The following PTPRA variants were observed in gnomAD, a reference collection of about 807,000 sequenced individuals.
PTPRA encodes the protein protein tyrosine phosphatase receptor type A.
In PTPRA, 25 loss-of-function variants were observed where a neutral mutation model predicts 104.8. That is an observed-to-expected ratio of 0.24 (90% confidence interval 0.17 to 0.33). The LOEUF (loss-of-function observed/expected upper bound fraction) is 0.33, where lower values mean the gene tolerates loss of function less well. Ranked by LOEUF, PTPRA falls within the 10% of genes least tolerant of loss-of-function variation. PTPRA has a pLI of 1.00. For synonymous variants in PTPRA, 323 were observed against 368.9 expected (o/e 0.88, Z 1.43); for missense variants, 765 against 1,015.3 (o/e 0.75, Z 3.35).
At chr20:2,951,102 T>G (rs2061338422) in intron 3 of PTPRA, among the ~76,000 whole-genome samples, 1 of 151,716 alleles carries the variant, frequency 6.6e-6, no homozygotes, top group Non-Finnish European at 1.5e-5. Flanking sequence ...GTTTCTTTCT[T>G]TCTTTCTTTT....
At chr20:3,015,108 C>T (rs1247286307) in intron 11 of PTPRA, among the ~76,000 whole-genome samples, 1 of 152,104 alleles carries the variant, frequency 6.6e-6, no homozygotes, top group Non-Finnish European at 1.5e-5. Flanking sequence ...GGTAAAGCAT[C>T]CTTGAGAAAA....
At chr20:2,871,103 TC>T (rs1252181613), upstream of PTPRA, among the ~76,000 whole-genome samples, 1 of 152,110 alleles carries the variant, frequency 6.6e-6, no homozygotes, top group Non-Finnish European at 1.5e-5. Flanking sequence ...GAACCCTCCT[TC>T]CCAGGGTCTC....
At chr20:2,911,946 A>G (rs2059737232) in intron 1 of PTPRA, among the ~76,000 whole-genome samples, 1 of 152,150 alleles carries the variant, frequency 6.6e-6, no homozygotes, top group South Asian at 2.1e-4. Flanking sequence ...TTCAGATTCG[A>G]TTAAGAAATT....
At chr20:3,023,002 G>C (rs2064955172) in intron 16 of PTPRA, among the ~76,000 whole-genome samples, 178 bp downstream of exon 16, 1 of 152,228 alleles carries the variant, frequency 6.6e-6, no homozygotes, top group Non-Finnish European at 1.5e-5. Context: ...GAAGACACGA[G>C]AAACTCCATT....
At chr20:3,020,416 C>G (rs2064807174) in intron 13 of PTPRA, among the ~76,000 whole-genome samples, 1 of 152,128 alleles carries the variant, frequency 6.6e-6, no homozygotes, top group Non-Finnish European at 1.5e-5. Context: ...AGCTTTTTTC[C>G]CCTGGTTTCT....
At chr20:3,024,006 A>G (rs1052481857) in intron 16 of PTPRA, among the ~76,000 whole-genome samples, 1 of 152,192 alleles carries the variant, frequency 6.6e-6, no homozygotes, top group Non-Finnish European at 1.5e-5. Flanking sequence ...ACTGGACTTC[A>G]AAGATTAGGG....
chr20:3,009,743 T>G (rs1373855096), intron 11 of PTPRA, among the ~76,000 whole-genome samples: 1 of 152,108 alleles, frequency 6.6e-6, no homozygotes, highest in Non-Finnish European at 1.5e-5. Context: ...ATGAAGAGAT[T>G]AGGTGGAATA....
At position 3,022,809 on chromosome 20, in the gene PTPRA, G is replaced by A; in HGVS notation, c.1449G>A (p.Gln483=). The A allele has an allele frequency of 6.2e-7, 1 of 1,614,212 alleles. No homozygotes were observed. Among genetic ancestry groups the A allele is most frequent in the Non-Finnish European group, 8.5e-7 (1 of 1,180,030 alleles). Residue 483 remains glutamine, a synonymous_variant, in exon 16 of 24, where the codon CAG becomes CAA. Coordinates refer to ENST00000399903, the MANE Select transcript of PTPRA (RefSeq NM_001385305.1). The surrounding 1 kb of genome is among the most constrained non-coding windows in gnomAD (Gnocchi z 4.6). ...FVSRIRAQRC[Q]MVQTDMQYVF... is the part of the protein sequence containing the mutation. Reference sequence around the variant, plus strand: ...GCCGGATCCGGGCACAGCGCTGCCAGATGGTGCAAACCGATGTGAGTGATC... The same window carrying A: ...GCCGGATCCGGGCACAGCGCTGCCAAATGGTGCAAACCGATGTGAGTGATC...
chr20:2,906,848 T>A (rs2059444427), intron 1 of PTPRA, among the ~76,000 whole-genome samples: 2 of 152,220 alleles, frequency 1.3e-5, no homozygotes, highest in African/African-American at 4.8e-5. Flanking sequence ...AGGTTTTTCT[T>A]ATAACATTTA....
chr20:2,904,540 A>T (rs1274411593), intron 1 of PTPRA, among the ~76,000 whole-genome samples: 3 of 151,636 alleles, frequency 2.0e-5, no homozygotes, highest in African/African-American at 7.3e-5. Flanking sequence ...ATGGTAGCGG[A>T]TGCCTGCGGT....
intron 5 of PTPRA, among the ~76,000 whole-genome samples, chr20:2,966,624 T>C (rs531439734): frequency 6.6e-6 from 1 of 152,372 alleles, no homozygotes; most frequent in Admixed American, 6.5e-5. Flanking sequence ...GTCATAGTTA[T>C]TACTGTGTGC....
At chr20:2,951,876 C>T (rs1306876942) in intron 3 of PTPRA, among the ~76,000 whole-genome samples, 3 of 152,156 alleles carry the variant, frequency 2.0e-5, no homozygotes, top group African/African-American at 7.2e-5. Flanking sequence ...CGCGGTGGCT[C>T]ATGCCTGTAA....
In PTPRA at chr20:2,948,219, T is replaced by A. The variant is rs890040202; in HGVS notation, c.-7+195T>A. On this transcript the variant is annotated intron_variant, in intron 3 of 23. Transcript: ENST00000399903. ...TTTAAAATTAGTGATATGTGTTGAT[T>A]TTTCAAGGACTATAGCCCATCAACT... Among the ~76,000 whole-genome samples, 13 of 152,168 alleles carry A rather than the reference T, an allele frequency of 8.5e-5. No individual in the cohort carries two copies. In the East Asian group the frequency reaches 2.1e-3, roughly 25 times the overall value.
chr20:2,996,487 AT>A (rs1289118428), intron 9 of PTPRA, among the ~76,000 whole-genome samples: 1 of 152,244 alleles, frequency 6.6e-6, no homozygotes, highest in Non-Finnish European at 1.5e-5. Context: ...TACTTAGAAG[AT>A]TTAGATGCCA....
intron 9 of PTPRA, among the ~76,000 whole-genome samples, chr20:2,997,078 A>G (rs960276573): frequency 6.6e-6 from 1 of 152,216 alleles, no homozygotes; most frequent in Non-Finnish European, 1.5e-5. Context: ...ATTCTATACT[A>G]TCATTAAAAT....
At chr20:2,894,372 T>G (rs575014571) in intron 1 of PTPRA, among the ~76,000 whole-genome samples, 31 of 152,270 alleles carry the variant, frequency 2.0e-4, no homozygotes, top group African/African-American at 6.7e-4. Flanking sequence ...CCCAAATACG[T>G]TTTTCAAGGC....
At chr20:2,889,220 G>A (rs976048532) in intron 1 of PTPRA, among the ~76,000 whole-genome samples, 1 of 152,132 alleles carries the variant, frequency 6.6e-6, no homozygotes, top group African/African-American at 2.4e-5. Flanking sequence ...GTACTTGTAA[G>A]CATAGGCATT....
In PTPRA at chr20:2,905,891, G is replaced by T. The variant is rs373214807; in HGVS notation, c.-128-17316G>T. On this transcript the variant is annotated intron_variant, in intron 1 of 23. Transcript: ENST00000399903. The stretch of plus-strand genomic sequence containing the variant: ...AGTAGAGACATAGTTTCTCCATGTT[G>T]GTCAGGCTGGTCTCGAACTCCTGAC... Among the ~76,000 whole-genome samples the T allele has an allele frequency of 4.6e-5, 7 of 151,766 alleles. No individual in the cohort carries two copies. In the South Asian group the frequency reaches 8.3e-4, roughly 18 times the overall value.
chr20:2,904,090 T>G lies in PTPRA; in HGVS notation c.-128-19117T>G, dbSNP rs74509599. On this transcript the variant is annotated intron_variant, in intron 1 of 23. Coordinates refer to ENST00000399903, the MANE Select transcript of PTPRA (RefSeq NM_001385305.1). ...CCCAGCCAATTTTTATTTATTTTTT[T>G]GTGTGTGTGGAGATAGGGTCTTTCT... 6.0e-4 allele frequency among the ~76,000 whole-genome samples: 92 copies of G among 152,092 alleles called. No individual in the cohort carries two copies. The East Asian group carries it at 0.018, about 29-fold the overall frequency.
Sources: gnomAD v4.1 joint callset for allele counts (sites outside exome capture counted in the v4.1 genomes callset) on GRCh38, gnomAD v4.1.1 for gene constraint, Gnocchi (gnomAD v3.1) non-coding constraint, MANE v1.5 for transcripts, NCBI Gene and HGNC (gene_info 2026-07-23, HGNC 2026-07-21) for gene names.